Variants in ZCCHC24 observed in about 807,000 individuals in gnomAD.
ZCCHC24 encodes zinc finger CCHC domain-containing protein 24.
In ZCCHC24, 10 loss-of-function variants were observed where a neutral mutation model predicts 26.2. The ratio of observed to expected loss-of-function variants is 0.38; its 90% CI spans 0.24 to 0.65. The LOEUF is 0.65. Among genes scored for constraint, ZCCHC24 ranks in the 30% least tolerant of loss-of-function variants. ZCCHC24 has a pLI of 0.54. For missense variants in ZCCHC24, 243 were observed against 329.1 expected, an observed-to-expected ratio of 0.74 and a Z score of 2.03; for synonymous variants, 144 against 147.1, an observed-to-expected ratio of 0.98 and a Z score of 0.15.
At chr10:79,390,809 G>A (rs1238919232) in intron 3 of ZCCHC24, among the ~76,000 whole-genome samples, 5 of 152,216 alleles carry the variant, frequency 3.3e-5, no homozygotes, top group African/African-American at 1.2e-4. Flanking sequence ...GGAAGCAGAT[G>A]TGGCGGCCAG....
chr10:79,407,183 G>A (rs576092849), intron 2 of ZCCHC24, among the ~76,000 whole-genome samples: 40 of 152,342 alleles, frequency 2.6e-4, no homozygotes, highest in African/African-American at 8.4e-4. Flanking sequence ...CTGAGACAGC[G>A]CCTTTAAAGT....
intron 2 of ZCCHC24, among the ~76,000 whole-genome samples, chr10:79,405,578 A>G (rs1475042746): frequency 6.6e-6 from 1 of 152,232 alleles, no homozygotes; most frequent in East Asian, 1.9e-4. Flanking sequence ...CCATTTGCAC[A>G]GGGCAGCTGG....
At chr10:79,428,387 A>G (rs959016874) in intron 2 of ZCCHC24, among the ~76,000 whole-genome samples, 2 of 103,594 alleles carry the variant, frequency 1.9e-5, no homozygotes, top group Admixed American at 9.2e-5. Flanking sequence ...TGCAATGGGT[A>G]CAGTATTTCA....
chr10:79,402,507 C>T (rs1856647768), intron 2 of ZCCHC24, among the ~76,000 whole-genome samples: 1 of 152,196 alleles, frequency 6.6e-6, no homozygotes, highest in Non-Finnish European at 1.5e-5. Context: ...GATCTCCTGA[C>T]CTTGTGATAC....
intron 1 of ZCCHC24, among the ~76,000 whole-genome samples, chr10:79,440,110 G>GAC (rs145722013): frequency 0.21 from 30,897 of 149,950 alleles, 3,646 homozygotes; most frequent in African/African-American, 0.33. Flanking sequence ...CCACCACCAC[G>GAC]ACACACACAC....
intron 3 of ZCCHC24, among the ~76,000 whole-genome samples, chr10:79,392,853 A>C (rs751527564): frequency 6.6e-6 from 1 of 152,194 alleles, no homozygotes; most frequent in African/African-American, 2.4e-5. Context: ...CAAGTTCCCC[A>C]TGTAAAAGTA....
In ZCCHC24 at chr10:79,386,004, G is replaced by A; in HGVS notation, c.*341C>T. ...TTAGTGCACCTGTGGCCAATACAAG[G>A]CTGCTCACCCCAAAGAGGCTCTCAG... On this transcript the variant is annotated 3_prime_UTR_variant, in exon 4 of 4. Transcript: ENST00000372336. 1 of 489,492 alleles carries A rather than the reference G, an allele frequency of 2.0e-6. No homozygotes were observed. Among genetic ancestry groups the A allele is most frequent in the Non-Finnish European group, 3.7e-6 (1 of 273,654 alleles). 30.3% of individuals were successfully genotyped at this position (489,492 alleles called of 1,614,324 possible).
At position 79,445,140 on chromosome 10, in the gene ZCCHC24, ACGGTGGGGCGGTGGGG is replaced by A. The variant is rs1222825064; in HGVS notation, c.246+39_246+54del. On this transcript the variant is annotated intron_variant, in intron 1 of 3. Coordinates refer to ENST00000372336, the MANE Select transcript of ZCCHC24 (RefSeq NM_153367.4). ...CGGGTCAGACAGGGAACGGCCCGCC[ACGGTGGGGCGGTGGGG>A]CGGTGGGGCGGTGGGCGGGGGCGCG... is the stretch of plus-strand genomic sequence containing the variant. 2.1e-5 allele frequency: 23 copies of A among 1,099,268 alleles called. No homozygotes were observed. The East Asian group carries it at 3.0e-4, about 14-fold the overall frequency. 68.1% of individuals were successfully genotyped at this position (1,099,268 alleles called of 1,614,324 possible).
At position 79,412,367 on chromosome 10, in the gene ZCCHC24, C is replaced by A. The variant is rs79393489; in HGVS notation, c.448-17927G>T. Among the ~76,000 whole-genome samples, 800 of 152,354 alleles carry A rather than the reference C, an allele frequency of 5.3e-3. 9 individuals are homozygous for A. Among genetic ancestry groups the A allele is most frequent in the African/African-American group, 0.018 (738 of 41,602 alleles). On this transcript the variant is annotated intron_variant, in intron 2 of 3. Coordinates refer to ENST00000372336, the MANE Select transcript of ZCCHC24 (RefSeq NM_153367.4). The stretch of plus-strand genomic sequence containing the variant: ...GCATGAGCCTCTGTGCGAGTGTGCA[C>A]AGGTGCATCGGTGAGGGGCGGACAT...
intron 1 of ZCCHC24, among the ~76,000 whole-genome samples, chr10:79,440,268 G>T (rs61862461): frequency 0.015 from 2,259 of 152,330 alleles, 27 homozygotes; most frequent in South Asian, 0.033. Flanking sequence ...GGATATGGGT[G>T]CAGAAGCAGT....
chr10:79,445,166 G>T (rs1481837623), intron 1 of ZCCHC24, 29 bp downstream of exon 1: 2 of 1,269,804 alleles, frequency 1.6e-6, no homozygotes, highest in Non-Finnish European at 2.0e-6. Flanking sequence ...GCGGTGGGGC[G>T]GTGGGCGGGG....
chr10:79,433,515 C>T (rs1457730043), intron 1 of ZCCHC24, among the ~76,000 whole-genome samples: 17 of 152,224 alleles, frequency 1.1e-4, no homozygotes, highest in Admixed American at 9.2e-4. Flanking sequence ...ATAGGAGTCA[C>T]GGGCTCCGGG....
chr10:79,389,861 C>T (rs4603244), intron 3 of ZCCHC24, among the ~76,000 whole-genome samples: 1 of 151,952 alleles, frequency 6.6e-6, no homozygotes, highest in Admixed American at 6.6e-5. Context: ...AGTGATCCAC[C>T]CACTTTGGCC....
intron 2 of ZCCHC24, among the ~76,000 whole-genome samples, chr10:79,397,246 A>C (rs551721617): frequency 3.5e-4 from 54 of 152,164 alleles, no homozygotes; most frequent in Non-Finnish European, 7.1e-4. Context: ...CAGCTGTAAC[A>C]TTCTTGGGAG....
chr10:79,420,026 C>A (rs1856916272), intron 2 of ZCCHC24, among the ~76,000 whole-genome samples: 1 of 152,096 alleles, frequency 6.6e-6, no homozygotes, highest in African/African-American at 2.4e-5. Flanking sequence ...ATAAAAGTGG[C>A]TCCCCATGAG....
At chr10:79,393,875 GCTGCCTGAGGTAAGAC>G (rs1856508607) in intron 3 of ZCCHC24, among the ~76,000 whole-genome samples, 1 of 152,044 alleles carries the variant, frequency 6.6e-6, no homozygotes, top group Non-Finnish European at 1.5e-5. Context: ...TCCCTGTGCA[GCTGCCTGAGGTAAGAC>G]CTTCCTAGGA....
At chr10:79,440,032 T>C (rs1023226338) in intron 1 of ZCCHC24, among the ~76,000 whole-genome samples, 3 of 152,068 alleles carry the variant, frequency 2.0e-5, no homozygotes, top group Non-Finnish European at 4.4e-5. Context: ...GAGTGCTTGA[T>C]GTTTTCAAAA....
chr10:79,411,611 A>C (rs11591702), intron 2 of ZCCHC24, among the ~76,000 whole-genome samples: 7 of 151,978 alleles, frequency 4.6e-5, no homozygotes, highest in Admixed American at 2.0e-4. Context: ...GGACTGCCAA[A>C]GTCTCATTCC....
chr10:79,423,041 A>G (rs1856968948), intron 2 of ZCCHC24, among the ~76,000 whole-genome samples: 1 of 152,304 alleles, frequency 6.6e-6, no homozygotes, highest in Admixed American at 6.5e-5. Context: ...CCACGTCAAC[A>G]TCAGGATCCT....
Sources: gnomAD v4.1 joint callset for allele counts (sites outside exome capture counted in the v4.1 genomes callset) on GRCh38, gnomAD v4.1.1 for gene constraint, MANE v1.5 for transcripts, NCBI Gene and HGNC (gene_info 2026-07-23, HGNC 2026-07-21) for gene names.